CYBRD1: variants seen among roughly 807,000 people sequenced by gnomAD.
The protein encoded by CYBRD1 is plasma membrane ascorbate-dependent reductase CYBRD1.
Under a neutral mutation model 21.9 loss-of-function variants are expected in CYBRD1, and 14 were observed. The observed-to-expected ratio is 0.64, with a 90% CI of 0.42 to 1.00. CYBRD1 has a LOEUF of 1.00. Among genes scored for constraint, CYBRD1 ranks in the 50% least tolerant of loss-of-function variants. The probability of loss-of-function intolerance (pLI) is 0.00; values close to 1 mark genes in which losing one functional copy is unlikely to be tolerated. For synonymous variants in CYBRD1, 146 were observed against 136.5 expected (o/e 1.07, Z -0.48); for missense variants, 328 against 352.5 (o/e 0.93, Z 0.56).
Position 171,558,124 on chromosome 2 carries a change from T to C in CYBRD1, c.*3297T>C, listed in dbSNP as rs989930870. On this transcript the variant is annotated 3_prime_UTR_variant, in exon 4 of 4. Coordinates refer to ENST00000321348, the MANE Select transcript of CYBRD1 (RefSeq NM_024843.4). ...CTTTTATATAGTAATAAAAGTTATTTTGGAAGCTCTTTGTGTGTTATCAAT... is the reference window on the plus strand; with the variant it reads ...CTTTTATATAGTAATAAAAGTTATTCTGGAAGCTCTTTGTGTGTTATCAAT... 1 of 151,538 alleles carries C rather than the reference T, an allele frequency of 6.6e-6. No homozygotes were observed. The highest frequency in any genetic ancestry group is 1.5e-5 in the Non-Finnish European group (1 of 67,894). 9.4% of individuals were successfully genotyped at this position (151,538 alleles called of 1,614,324 possible). A position where few individuals can be genotyped will look rare whatever the true frequency, so the allele number is the denominator to read the frequency against.
At chr2:171,539,473 G>A (rs536745246) in intron 1 of CYBRD1, among the ~76,000 whole-genome samples, 2 of 149,510 alleles carry the variant, frequency 1.3e-5, no homozygotes, top group Admixed American at 1.3e-4. Flanking sequence ...GACAGAGAAA[G>A]AAAAGAAAAG....
At chr2:171,530,580 A>C (rs145576939) in intron 1 of CYBRD1, among the ~76,000 whole-genome samples, 74 of 152,276 alleles carry the variant, frequency 4.9e-4, no homozygotes, top group Non-Finnish European at 8.8e-4. Context: ...CTCCTGGCAA[A>C]ACAGGAAGCT....
chr2:171,540,616 C>T (rs1248435743), intron 1 of CYBRD1, among the ~76,000 whole-genome samples: 1 of 152,096 alleles, frequency 6.6e-6, no homozygotes, highest in Non-Finnish European at 1.5e-5. Context: ...AGAGTTCTGA[C>T]TGCTGTATAT....
At chr2:171,525,896 G>A (rs961842352) in intron 1 of CYBRD1, among the ~76,000 whole-genome samples, 2 of 144,600 alleles carry the variant, frequency 1.4e-5, no homozygotes, top group African/African-American at 2.6e-5. Context: ...GCGGTGAGTC[G>A]AGATCTTGCC....
chr2:171,536,360 A>G (rs2105335471), intron 1 of CYBRD1, among the ~76,000 whole-genome samples: 1 of 152,016 alleles, frequency 6.6e-6, no homozygotes, highest in East Asian at 1.9e-4. Context: ...GCTGGAGTGC[A>G]GTGGTATTAT....
At position 171,541,771 on chromosome 2, in the gene CYBRD1, C is replaced by T. The variant is rs1697636365; in HGVS notation, c.380C>T (p.Ala127Val). The change falls in exon 2 of 4, where the codon GCT (alanine) becomes GTT (valine). Residue 127 changes from alanine to valine, a missense_variant. Physicochemically the swap from Ala to Val is moderately conservative, Grantham distance 64. Coordinates refer to ENST00000321348, the MANE Select transcript of CYBRD1 (RefSeq NM_024843.4). The stretch of plus-strand genomic sequence containing the variant: ...CTGCACAGCTGGGTTGGACTGATAG[C>T]TGTCATATGCTATTTGTTACAGGTC... The part of the protein sequence containing the change: ...YSLHSWVGLI[A>V]VICYLLQLLS... 1.2e-6 allele frequency: 2 copies of T among 1,613,052 alleles called. No individual in the cohort carries two copies. Among genetic ancestry groups the T allele is most frequent in the Admixed American group, 3.3e-5 (2 of 59,920 alleles).
chr2:171,554,603 G>C lies in CYBRD1; in HGVS notation c.637G>C (p.Ala213Pro). 1 of 1,613,990 alleles carries C rather than the reference G, an allele frequency of 6.2e-7. No individual in the cohort carries two copies. The highest frequency in any genetic ancestry group is 8.5e-7 in the Non-Finnish European group (1 of 1,179,954). ...TLGLLILVFG[A>P]LIFWIVTRPQ... is the part of the protein sequence containing the mutation. ...TGGCCTTCTGATCCTGGTGTTCGGG[G>C]CCCTCATTTTTTGGATAGTCACCAG... The change falls in exon 4 of 4, where the codon GCC (alanine) becomes CCC (proline). Residue 213 changes from alanine to proline, a missense_variant. Ala to Pro is a conservative substitution (Grantham distance 27). Coordinates refer to ENST00000321348, the MANE Select transcript of CYBRD1 (RefSeq NM_024843.4).
chr2:171,528,693 CA>C (rs1697419336), intron 1 of CYBRD1, among the ~76,000 whole-genome samples: 1 of 152,192 alleles, frequency 6.6e-6, no homozygotes, highest in East Asian at 1.9e-4. Context: ...CCCTGAACTC[CA>C]AATCCAAATA....
At chr2:171,547,428 G>T (rs1220462025) in intron 2 of CYBRD1, among the ~76,000 whole-genome samples, 1 of 129,226 alleles carries the variant, frequency 7.7e-6, no homozygotes, top group Non-Finnish European at 1.6e-5. Context: ...GGAGGCATTT[G>T]GGTGCTCTTT....
intron 1 of CYBRD1, chr2:171,541,148 AG>A (rs1205171311): frequency 1.0e-5 from 2 of 196,196 alleles, no homozygotes. Context: ...GATAAGTTTG[AG>A]ATGTCTGGGA....
At chr2:171,551,727 T>C (rs545765074) in intron 2 of CYBRD1, among the ~76,000 whole-genome samples, 1 of 152,356 alleles carries the variant, frequency 6.6e-6, no homozygotes, top group Non-Finnish European at 1.5e-5. Context: ...TTTGTAGAGT[T>C]GTTGTCTCCA....
At chr2:171,531,657 T>A (rs1349111048) in intron 1 of CYBRD1, among the ~76,000 whole-genome samples, 1 of 152,074 alleles carries the variant, frequency 6.6e-6, no homozygotes, top group Non-Finnish European at 1.5e-5. Context: ...GAAATGTAGG[T>A]TATATTGATC....
chr2:171,523,882 A>T (rs1384595195), intron 1 of CYBRD1, among the ~76,000 whole-genome samples: 1 of 152,184 alleles, frequency 6.6e-6, no homozygotes, highest in African/African-American at 2.4e-5. Flanking sequence ...GAGTGGTGTT[A>T]TGTCGCAGAA....
At chr2:171,538,171 G>A (rs1574437389) in intron 1 of CYBRD1, among the ~76,000 whole-genome samples, 1 of 152,186 alleles carries the variant, frequency 6.6e-6, no homozygotes, top group South Asian at 2.1e-4. Context: ...GCTGAGGCAG[G>A]AGAATCTCTT....
intron 1 of CYBRD1, among the ~76,000 whole-genome samples, chr2:171,533,921 G>A (rs1208285535): frequency 6.6e-6 from 1 of 151,918 alleles, no homozygotes; most frequent in Non-Finnish European, 1.5e-5. Context: ...GGCCAGGATG[G>A]TCTTGAAATC....
chr2:171,548,783 A>G (rs941781542), intron 2 of CYBRD1, among the ~76,000 whole-genome samples: 1 of 151,170 alleles, frequency 6.6e-6, no homozygotes, highest in Non-Finnish European at 1.5e-5. Context: ...AAAAAAAAAA[A>G]AGAAAACAAA....
intron 1 of CYBRD1, among the ~76,000 whole-genome samples, chr2:171,523,718 A>T (rs1421821230): frequency 1.0e-5 from 1 of 97,342 alleles, no homozygotes; most frequent in Non-Finnish European, 2.0e-5. Context: ...GTTTGTTGTC[A>T]TTGTGTAGTG....
intron 1 of CYBRD1, among the ~76,000 whole-genome samples, chr2:171,527,745 A>G (rs1053454782): frequency 6.6e-6 from 1 of 152,192 alleles, no homozygotes; most frequent in African/African-American, 2.4e-5. Flanking sequence ...CCAACATGTT[A>G]TAATTTCTAT....
At chr2:171,531,108 A>G (rs1697458813) in intron 1 of CYBRD1, among the ~76,000 whole-genome samples, 1 of 144,078 alleles carries the variant, frequency 6.9e-6, no homozygotes, top group Non-Finnish European at 1.5e-5. Flanking sequence ...GTGAGCCATG[A>G]CCATGCCACT....
Sources: allele counts gnomAD v4.1 joint callset (sites outside exome capture counted in the v4.1 genomes callset), GRCh38; gene constraint gnomAD v4.1.1; transcripts MANE v1.5; gene names NCBI Gene and HGNC (gene_info 2026-07-23, HGNC 2026-07-21).